The following SMCO2 variants were observed in gnomAD, a reference collection of about 807,000 sequenced individuals.
SMCO2 encodes single-pass membrane and coiled-coil domain-containing protein 2.
SMCO2 carries 25 observed loss-of-function variants against 29.5 expected under a neutral mutation model. The ratio of observed to expected loss-of-function variants is 0.85; its 90% CI spans 0.62 to 1.18. The LOEUF is 1.18. Among genes scored for constraint, SMCO2 ranks in the 50% most tolerant of loss-of-function variants. The pLI is 0.00. For synonymous variants in SMCO2, 117 were observed against 123.3 expected, an observed-to-expected ratio of 0.95 and a Z score of 0.34; for missense variants, 348 against 344.5, an observed-to-expected ratio of 1.01 and a Z score of -0.08.
chr12:27,449,204 A>G, the SMCO2 span, among the ~76,000 whole-genome samples: 1 of 152,244 alleles, frequency 6.6e-6, no homozygotes, highest in Admixed American at 6.5e-5. Flanking sequence ...ACATAATGCT[A>G]GCGTTATTAG....
At chr12:27,489,109 C>T (rs1949713762) in intron 5 of SMCO2, among the ~76,000 whole-genome samples, 1 of 152,064 alleles carries the variant, frequency 6.6e-6, no homozygotes, top group Non-Finnish European at 1.5e-5. Flanking sequence ...AGTGCCGTGG[C>T]ATGATCTTGG....
intron 4 of SMCO2, among the ~76,000 whole-genome samples, chr12:27,484,340 C>T (rs1412525300): frequency 1.3e-5 from 2 of 152,120 alleles, no homozygotes; most frequent in African/African-American, 4.8e-5. Flanking sequence ...GATCACTCCA[C>T]TGCACTCCAG....
At chr12:27,496,849 TCTC>T (rs1315281714) in intron 7 of SMCO2, 1 of 150,794 alleles carries the variant, frequency 6.6e-6, no homozygotes, top group African/African-American at 2.5e-5. Context: ...ACATCTGTCT[TCTC>T]CTAATACTCC....
chr12:27,458,541 G>A, the SMCO2 span, among the ~76,000 whole-genome samples: 1 of 152,140 alleles, frequency 6.6e-6, no homozygotes, highest in African/African-American at 2.4e-5. Context: ...TTTTGTGAGT[G>A]ATAGAAACCC....
At chr12:27,488,165 T>C (rs1405630494) in intron 4 of SMCO2, among the ~76,000 whole-genome samples, 3 of 152,218 alleles carry the variant, frequency 2.0e-5, no homozygotes, top group Non-Finnish European at 2.9e-5. Context: ...CCTAATCTTA[T>C]GTCCCCCAAA....
chr12:27,487,786 T>G (rs746484280), intron 4 of SMCO2, among the ~76,000 whole-genome samples: 3 of 151,112 alleles, frequency 2.0e-5, no homozygotes, highest in Non-Finnish European at 4.4e-5. Context: ...GTGACAAGTA[T>G]GTAGTGATAT....
At position 27,501,192 on chromosome 12, in the gene SMCO2, G is replaced by A. The variant is rs897941796; in HGVS notation, c.684-731G>A. ...AGCACTTTGGGAGGCCGAGGCGGGC[G>A]GATCACGAGGTCAGGAGATCGAGAC... On this transcript the variant is annotated intron_variant, in intron 7 of 7. Transcript: ENST00000298876. 4.0e-5 allele frequency among the ~76,000 whole-genome samples: 6 copies of A among 149,304 alleles called. 1 individual carries two copies. The highest frequency in any genetic ancestry group is 7.6e-5 in the African/African-American group (3 of 39,546).
At chr12:27,427,858 G>T in the SMCO2 span, among the ~76,000 whole-genome samples, 1 of 152,136 alleles carries the variant, frequency 6.6e-6, no homozygotes, top group Non-Finnish European at 1.5e-5. Flanking sequence ...GAGTTTTATT[G>T]TTACTCAAAT....
the SMCO2 span, among the ~76,000 whole-genome samples, chr12:27,435,983 GAC>G: frequency 6.6e-6 from 1 of 152,194 alleles, no homozygotes; most frequent in Non-Finnish European, 1.5e-5. Flanking sequence ...TGGAGGCTGA[GAC>G]ATCTAAAATC....
the SMCO2 span, among the ~76,000 whole-genome samples, chr12:27,441,641 C>CAGT: frequency 6.7e-6 from 1 of 150,198 alleles, no homozygotes. Flanking sequence ...GGCTTTAACA[C>CAGT]CTCATTCACA....
At chr12:27,481,709 T>A (rs1949644860) in intron 4 of SMCO2, among the ~76,000 whole-genome samples, 1 of 152,226 alleles carries the variant, frequency 6.6e-6, no homozygotes, top group Admixed American at 6.5e-5. Flanking sequence ...CAGGATATAT[T>A]GCTAAAGATA....
chr12:27,462,180 A>T (rs754300859), upstream of SMCO2, among the ~76,000 whole-genome samples: 1 of 152,158 alleles, frequency 6.6e-6, no homozygotes, highest in Non-Finnish European at 1.5e-5. Context: ...CCCTGTAGGA[A>T]CTACCTGCCC....
the SMCO2 span, among the ~76,000 whole-genome samples, chr12:27,449,665 A>AGATACTTTAACCAG: frequency 6.6e-6 from 1 of 152,228 alleles, no homozygotes; most frequent in Non-Finnish European, 1.5e-5. Context: ...GAAGGGGGGA[A>AGATACTTTAACCAG]AAGTTAAAAT....
chr12:27,480,060 C>T (rs562399445), intron 4 of SMCO2, among the ~76,000 whole-genome samples: 1 of 152,264 alleles, frequency 6.6e-6, no homozygotes, highest in African/African-American at 2.4e-5. Context: ...GGCCCAAGAG[C>T]CCCTGGAAAG....
chr12:27,474,246 A>G (rs545864682), intron 3 of SMCO2, among the ~76,000 whole-genome samples: 2 of 152,342 alleles, frequency 1.3e-5, no homozygotes, highest in African/African-American at 4.8e-5. Flanking sequence ...ACTTTCTCCT[A>G]CAAAATACTG....
chr12:27,461,327 G>T, the SMCO2 span, among the ~76,000 whole-genome samples: 1 of 152,248 alleles, frequency 6.6e-6, no homozygotes, highest in East Asian at 1.9e-4. Flanking sequence ...TGTCACGGGG[G>T]TTTGGTGTAC....
intron 4 of SMCO2, among the ~76,000 whole-genome samples, chr12:27,485,655 C>T (rs541598182): frequency 1.3e-5 from 2 of 151,928 alleles, no homozygotes; most frequent in Non-Finnish European, 2.9e-5. Context: ...CCGTGTTGGC[C>T]GGGCTGGTCT....
chr12:27,427,738 A>G, the SMCO2 span, among the ~76,000 whole-genome samples: 1 of 152,106 alleles, frequency 6.6e-6, no homozygotes, highest in Non-Finnish European at 1.5e-5. Flanking sequence ...AGGTACTGCA[A>G]CCACACAGCG....
chr12:27,463,059 C>T (rs1002044457), upstream of SMCO2, among the ~76,000 whole-genome samples: 8 of 152,118 alleles, frequency 5.3e-5, no homozygotes, highest in South Asian at 4.2e-4. Flanking sequence ...AGCCAGCTGC[C>T]GGCCTGGGAC....
Sources: gnomAD v4.1 joint callset for allele counts (sites outside exome capture counted in the v4.1 genomes callset) on GRCh38, gnomAD v4.1.1 for gene constraint, MANE v1.5 for transcripts, NCBI Gene and HGNC (gene_info 2026-07-23, HGNC 2026-07-21) for gene names.